The following IPCEF1 variants were observed in gnomAD, a reference collection of about 807,000 sequenced individuals.
IPCEF1 encodes the protein interactor protein for cytohesin exchange factors 1.
IPCEF1 carries 31 observed loss-of-function variants against 50.9 expected under a neutral mutation model. That is an observed-to-expected ratio of 0.61 (90% CI 0.46 to 0.82). The LOEUF is 0.82. Among genes scored for constraint, IPCEF1 ranks in the 40% least tolerant of loss-of-function variants. IPCEF1 has a pLI of 0.00. For missense variants in IPCEF1, 458 were observed against 514.0 expected, an observed-to-expected ratio of 0.89 and a Z score of 1.05; for synonymous variants, 181 against 192.0, an observed-to-expected ratio of 0.94 and a Z score of 0.47.
At chr6:154,282,218 TG>T (rs2128664598) in intron 2 of IPCEF1, among the ~76,000 whole-genome samples, 1 of 152,292 alleles carries the variant, frequency 6.6e-6, no homozygotes, top group South Asian at 2.1e-4. Context: ...TGCAGGGTTC[TG>T]ATCTGACAAA....
chr6:154,255,890 T>C (rs1207696403), intron 3 of IPCEF1, among the ~76,000 whole-genome samples: 1 of 152,232 alleles, frequency 6.6e-6, no homozygotes, highest in African/African-American at 2.4e-5. Flanking sequence ...TTATTATTGG[T>C]GCTTGATTTT....
chr6:154,287,212 C>T (rs7748776), intron 2 of IPCEF1, among the ~76,000 whole-genome samples: 5,709 of 150,470 alleles, frequency 0.038, 344 homozygotes, highest in African/African-American at 0.13. Flanking sequence ...GAAGATTGTG[C>T]CTATTTCCCC....
intron 1 of IPCEF1, 148 bp from the exon 2 acceptor site, chr6:154,289,904 C>G (rs35870887): frequency 0.047 from 7,137 of 152,150 alleles, 192 homozygotes; most frequent in African/African-American, 0.074. Flanking sequence ...AGTTGATCAT[C>G]GTGATAATGT....
chr6:154,272,514 C>T (rs144469633), intron 2 of IPCEF1, among the ~76,000 whole-genome samples: 3 of 152,278 alleles, frequency 2.0e-5, no homozygotes, highest in Non-Finnish European at 2.9e-5. Flanking sequence ...CATAGCCAAA[C>T]CAATGAAATC....
intron 1 of IPCEF1, among the ~76,000 whole-genome samples, chr6:154,311,029 A>G (rs1384809673): frequency 6.6e-6 from 1 of 152,128 alleles, no homozygotes; most frequent in African/African-American, 2.4e-5. Context: ...CTCCAAACAA[A>G]TGATGTTGGA....
intron 11 of IPCEF1, among the ~76,000 whole-genome samples, chr6:154,165,928 C>T (rs760945451): frequency 2.0e-5 from 3 of 152,230 alleles, no homozygotes; most frequent in African/African-American, 4.8e-5. Context: ...AACTGAGACC[C>T]TCAGTCCAGC....
At chr6:154,320,788 C>T (rs749409058) in intron 1 of IPCEF1, among the ~76,000 whole-genome samples, 21 of 152,126 alleles carry the variant, frequency 1.4e-4, no homozygotes, top group Non-Finnish European at 2.8e-4. Flanking sequence ...GGGAGGATCG[C>T]TTGAGCCCAG....
chr6:154,268,057 C>A (rs899676453), intron 2 of IPCEF1, among the ~76,000 whole-genome samples: 8 of 152,240 alleles, frequency 5.3e-5, no homozygotes, highest in Non-Finnish European at 1.0e-4. Flanking sequence ...CAGGCCCTCC[C>A]TGGCCTGAAG....
intron 3 of IPCEF1, among the ~76,000 whole-genome samples, chr6:154,264,219 T>C (rs1407254576): frequency 6.6e-6 from 1 of 151,494 alleles, no homozygotes; most frequent in Non-Finnish European, 1.5e-5. Context: ...GCAAATATCC[T>C]ACAATGCATG....
intron 2 of IPCEF1, among the ~76,000 whole-genome samples, chr6:154,283,014 G>T (rs191607102): frequency 6.6e-6 from 1 of 152,022 alleles, no homozygotes; most frequent in East Asian, 1.9e-4. Flanking sequence ...ATATTTGAGG[G>T]CAGGGCAGGA....
intron 10 of IPCEF1, among the ~76,000 whole-genome samples, chr6:154,188,380 G>A (rs546594681): frequency 3.7e-4 from 57 of 152,200 alleles, no homozygotes; most frequent in Non-Finnish European, 6.8e-4. Context: ...GAGGTAAAGA[G>A]ACCAATTTCA....
chr6:154,273,716 CTTTCTTTCTTTTTTTTTTTTTTTTTTTT>C (rs1781960556), intron 2 of IPCEF1, among the ~76,000 whole-genome samples: 3 of 28,028 alleles, frequency 1.1e-4, no homozygotes, highest in African/African-American at 2.9e-4. Flanking sequence ...TTCTTTCTTT[CTTTCTTTCTTTTTTTTTTTTTTTTTTTT>C]TTTTTTTTTT....
At chr6:154,337,768 T>C (rs969406244) in intron 1 of IPCEF1, among the ~76,000 whole-genome samples, 13 of 152,164 alleles carry the variant, frequency 8.5e-5, no homozygotes, top group African/African-American at 3.1e-4. Flanking sequence ...CTATATAATG[T>C]GAGAAGAAAA....
intron 1 of IPCEF1, among the ~76,000 whole-genome samples, chr6:154,348,771 A>G (rs1340110766): frequency 6.6e-6 from 1 of 152,216 alleles, no homozygotes; most frequent in African/African-American, 2.4e-5. Flanking sequence ...ACTCCCAGCG[A>G]ATAAACAGCA....
chr6:154,325,619 G>C (rs1316909808), intron 1 of IPCEF1, among the ~76,000 whole-genome samples: 1 of 152,164 alleles, frequency 6.6e-6, no homozygotes, highest in Non-Finnish European at 1.5e-5. Context: ...AATAGAGGTG[G>C]GGGTGACCAA....
At chr6:154,179,093 C>G (rs968389793) in intron 10 of IPCEF1, among the ~76,000 whole-genome samples, 2 of 152,186 alleles carry the variant, frequency 1.3e-5, no homozygotes, top group African/African-American at 4.8e-5. Flanking sequence ...ATGGCTGATG[C>G]TTAGGTCTTC....
chr6:154,286,662 G>A (rs895902756), intron 2 of IPCEF1, among the ~76,000 whole-genome samples: 5 of 152,216 alleles, frequency 3.3e-5, no homozygotes, highest in African/African-American at 7.2e-5. Flanking sequence ...GAGAGGTGGA[G>A]GCTGTAAAAT....
At chr6:154,259,924 T>G (rs979165966) in intron 3 of IPCEF1, among the ~76,000 whole-genome samples, 1 of 152,208 alleles carries the variant, frequency 6.6e-6, no homozygotes, top group African/African-American at 2.4e-5. Flanking sequence ...GAAAGCAAAC[T>G]GCAAAGTTTC....
chr6:154,245,295 A>G (rs1364096986), intron 5 of IPCEF1, among the ~76,000 whole-genome samples: 2 of 152,202 alleles, frequency 1.3e-5, no homozygotes, highest in Non-Finnish European at 2.9e-5. Context: ...TGGAAAAAAA[A>G]AATGTATTTT....
Sources: gnomAD v4.1 joint callset for allele counts (sites outside exome capture counted in the v4.1 genomes callset) on GRCh38, gnomAD v4.1.1 for gene constraint, MANE v1.5 for transcripts, NCBI Gene and HGNC (gene_info 2026-07-23, HGNC 2026-07-21) for gene names.